CFAP70: variants seen among roughly 807,000 people sequenced by gnomAD.
CFAP70 encodes the protein cilia and flagella associated protein 70.
Under a neutral mutation model 137.6 loss-of-function variants are expected in CFAP70, and 81 were observed. The observed-to-expected ratio is 0.59, with a 90% CI of 0.49 to 0.71. The LOEUF (loss-of-function observed/expected upper bound fraction) is 0.71. Ranked by LOEUF, CFAP70 falls within the 30% of genes least tolerant of loss-of-function variation. The pLI, the probability that CFAP70 is intolerant of heterozygous loss-of-function variation, is 0.00. For synonymous variants in CFAP70, 382 were observed against 423.6 expected (o/e 0.90, Z 1.20); for missense variants, 976 against 1,226.7 (o/e 0.80, Z 3.05).
intron 12 of CFAP70, among the ~76,000 whole-genome samples, chr10:73,308,620 C>T (rs2132064991): frequency 1.4e-5 from 2 of 140,642 alleles, no homozygotes; most frequent in East Asian, 4.2e-4. Context: ...AAGAGTGAAA[C>T]TCCGTCTCAA....
At chr10:73,346,674 G>A (rs1158476979) in intron 4 of CFAP70, among the ~76,000 whole-genome samples, 1 of 151,964 alleles carries the variant, frequency 6.6e-6, no homozygotes, top group Non-Finnish European at 1.5e-5. Context: ...TTGAATGCTA[G>A]GCACTTTGCT....
intron 6 of CFAP70, among the ~76,000 whole-genome samples, chr10:73,338,759 CA>C (rs2052953162): frequency 6.6e-6 from 1 of 151,576 alleles, no homozygotes; most frequent in Non-Finnish European, 1.5e-5. Flanking sequence ...AAATATGAAT[CA>C]AAAATACAGT....
intron 24 of CFAP70, among the ~76,000 whole-genome samples, chr10:73,270,506 TTCCCCTCCCCTCCCCTCCCCC>T (rs2046193484): frequency 4.7e-3 from 11 of 2,334 alleles, no homozygotes; most frequent in Non-Finnish European, 7.2e-3. Context: ...TTCCCTTCCC[TTCCCCTCCCCTCCCCTCCCCC>T]TCCCCTCCCC....
At chr10:73,281,074 T>C (rs1321464420) in intron 19 of CFAP70, among the ~76,000 whole-genome samples, 1 of 152,212 alleles carries the variant, frequency 6.6e-6, no homozygotes, top group Admixed American at 6.5e-5. Context: ...ATTTAGCTAA[T>C]TCCACACATT....
At chr10:73,333,554 T>C (rs1318566165) in intron 7 of CFAP70, among the ~76,000 whole-genome samples, 1 of 152,120 alleles carries the variant, frequency 6.6e-6, no homozygotes, top group African/African-American at 2.4e-5. Flanking sequence ...AGAAATACAT[T>C]GGACTTCTCT....
At chr10:73,291,715 A>G in exon 18 of CFAP70, 2 of 1,614,198 alleles carry the variant, frequency 1.2e-6, no homozygotes, top group Non-Finnish European at 1.7e-6. Context: ...GCTTGCTCAT[A>G]GTTCTCCAAC....
intron 9 of CFAP70, among the ~76,000 whole-genome samples, chr10:73,317,831 C>A (rs530398052): frequency 6.6e-6 from 1 of 152,072 alleles, no homozygotes; most frequent in Non-Finnish European, 1.5e-5. Flanking sequence ...AATGTGATCC[C>A]GTGTTGTAGG....
intron 9 of CFAP70, among the ~76,000 whole-genome samples, chr10:73,318,038 T>C (rs1362747655): frequency 6.6e-6 from 1 of 152,198 alleles, no homozygotes; most frequent in African/African-American, 2.4e-5. Context: ...CCTTCCATCA[T>C]GATTGTAATG....
chr10:73,269,447 C>G (rs1165436555), intron 25 of CFAP70, among the ~76,000 whole-genome samples, 167 bp downstream of exon 26: 4 of 152,192 alleles, frequency 2.6e-5, no homozygotes, highest in African/African-American at 7.2e-5. Flanking sequence ...GTTCCAAGTA[C>G]AGCCTGCCCA....
At chr10:73,342,728 A>C (rs773481779) in intron 5 of CFAP70, among the ~76,000 whole-genome samples, 79 of 152,192 alleles carry the variant, frequency 5.2e-4, no homozygotes, top group Non-Finnish European at 7.8e-4. Context: ...AAAGTAGAAT[A>C]GCAACAACAA....
intron 6 of CFAP70, among the ~76,000 whole-genome samples, chr10:73,337,772 G>A (rs538940385): frequency 3.9e-5 from 6 of 152,158 alleles, no homozygotes; most frequent in African/African-American, 1.4e-4. Flanking sequence ...CGGGTGTGGT[G>A]GCGGGTGCCT....
chr10:73,329,265 T>C (rs935166339), intron 8 of CFAP70, among the ~76,000 whole-genome samples: 1 of 151,996 alleles, frequency 6.6e-6, no homozygotes, highest in Non-Finnish European at 1.5e-5. Flanking sequence ...CCGCATGTTC[T>C]CACTCATAGG....
At chr10:73,326,632 C>T (rs1432444906) in intron 8 of CFAP70, among the ~76,000 whole-genome samples, 2 of 151,514 alleles carry the variant, frequency 1.3e-5, no homozygotes, top group South Asian at 2.1e-4. Flanking sequence ...CAAATAGATG[C>T]AATAAAAAAT....
intron 25 of CFAP70, among the ~76,000 whole-genome samples, chr10:73,259,544 G>A (rs918058481): frequency 6.6e-6 from 1 of 152,048 alleles, no homozygotes; most frequent in Non-Finnish European, 1.5e-5. Flanking sequence ...GCTCACTGCA[G>A]CCTCAACCTT....
chr10:73,339,303 T>G (rs1387371163), intron 6 of CFAP70, among the ~76,000 whole-genome samples: 5 of 152,194 alleles, frequency 3.3e-5, no homozygotes, highest in Non-Finnish European at 5.9e-5. Flanking sequence ...AACCTTTTCT[T>G]TACTTTTCTA....
At chr10:73,348,869 C>T (rs1268772088) in intron 3 of CFAP70, among the ~76,000 whole-genome samples, 1 of 151,806 alleles carries the variant, frequency 6.6e-6, no homozygotes, top group Non-Finnish European at 1.5e-5. Context: ...TCGAGACCAC[C>T]CTGACAAACA....
chr10:73,348,281 T>TG (rs2053897697), intron 4 of CFAP70, 46 bp from the exon 5 acceptor site: 1 of 1,596,956 alleles, frequency 6.3e-7, no homozygotes, highest in African/African-American at 1.3e-5. Flanking sequence ...AGGGTTAAGT[T>TG]GGGATGACTG....
At chr10:73,254,826 A>G (rs185637944) in intron 26 of CFAP70, among the ~76,000 whole-genome samples, 1 of 152,342 alleles carries the variant, frequency 6.6e-6, no homozygotes, top group Admixed American at 6.5e-5. Context: ...ACTGCAGGCT[A>G]CAATTGGTGG....
chr10:73,353,595 C>T (rs774052376), exon 3 of CFAP70: 1 of 1,614,170 alleles, frequency 6.2e-7, no homozygotes, highest in East Asian at 2.2e-5. Context: ...GAAGTGATTC[C>T]TCCTTCAGGA....
Sources: gnomAD v4.1 joint callset for allele counts (sites outside exome capture counted in the v4.1 genomes callset) on GRCh38, gnomAD v4.1.1 for gene constraint, MANE v1.5 for transcripts, NCBI Gene and HGNC (gene_info 2026-07-23, HGNC 2026-07-21) for gene names.